Variants in UGT1A7 observed in about 807,000 individuals in gnomAD.
The protein encoded by UGT1A7 is UDP-glucuronosyltransferase 1A7.
Under a neutral mutation model 45.6 loss-of-function variants are expected in UGT1A7, and 33 were observed. The ratio of observed to expected loss-of-function variants is 0.72; its 90% confidence interval spans 0.55 to 0.97. The LOEUF (loss-of-function observed/expected upper bound fraction) is 0.97, where lower values mean the gene tolerates loss of function less well. Ranked by LOEUF, UGT1A7 falls within the 50% of genes least tolerant of loss-of-function variation. The pLI is 0.00. For synonymous variants in UGT1A7, 274 were observed against 250.6 expected, an observed-to-expected ratio of 1.09 and a Z score of -0.88; for missense variants, 684 against 666.2, an observed-to-expected ratio of 1.03 and a Z score of -0.29.
intron 1 of UGT1A7, among the ~76,000 whole-genome samples, chr2:233,744,682 A>C (rs1267258070): frequency 1.3e-5 from 2 of 151,904 alleles, no homozygotes; most frequent in African/African-American, 4.9e-5. Flanking sequence ...TCACCCATGT[A>C]GCTTCTGGAA....
chr2:233,752,746 A>AAAAC lies in UGT1A7; in HGVS notation c.856-14265_856-14262dup, dbSNP rs200752387. Among the ~76,000 whole-genome samples the AAAAC allele has an allele frequency of 7.8e-3, 1,184 of 152,306 alleles. 57 individuals carry two copies. In the East Asian group the frequency reaches 0.13, roughly 17 times the overall value. On this transcript the variant is annotated intron_variant, in intron 1 of 4. Transcript: ENST00000373426. ...AGCTACAGAGAGAGACCCTGTCTCTAAAACAAACAAACAAACAAACAAACA... is the reference window on the plus strand; with the variant it reads ...AGCTACAGAGAGAGACCCTGTCTCTAAAACAAACAAACAAACAAACAAACAAACA...
chr2:233,765,861 A>G (rs1698967280), intron 1 of UGT1A7, among the ~76,000 whole-genome samples: 1 of 152,118 alleles, frequency 6.6e-6, no homozygotes, highest in African/African-American at 2.4e-5. Flanking sequence ...AGAGCATGTG[A>G]CAGCGGGAGG....
chr2:233,765,010 C>G (rs940800648), intron 1 of UGT1A7, among the ~76,000 whole-genome samples: 10 of 152,056 alleles, frequency 6.6e-5, no homozygotes, highest in Non-Finnish European at 1.2e-4. Context: ...TGTTCCAAAT[C>G]AGGCTTGGCA....
intron 1 of UGT1A7, chr2:233,713,950 C>A (rs1250435794): frequency 3.7e-6 from 6 of 1,608,844 alleles, no homozygotes; most frequent in Admixed American, 1.7e-5. Context: ...ATCTACTTAT[C>A]TTTCCAAAGA....
intron 1 of UGT1A7, chr2:233,753,231 A>G (rs1378697040): frequency 1.3e-5 from 2 of 152,142 alleles, no homozygotes; most frequent in African/African-American, 4.8e-5. Flanking sequence ...CTTCTTGTAT[A>G]GTTATTATTT....
In UGT1A7 at chr2:233,769,517, G is replaced by T; in HGVS notation, c.1295+1078G>T. 6.2e-7 allele frequency: 1 copy of T among 1,612,844 alleles called. No homozygotes were observed. The highest frequency in any genetic ancestry group is 8.5e-7 in the Non-Finnish European group (1 of 1,179,874). On this transcript the variant is annotated intron_variant, in intron 4 of 4. Transcript: ENST00000373426. The surrounding 1 kb of genome is among the most constrained non-coding windows in gnomAD (Gnocchi z 4.4). ...AGAGTGTCCATTGCTTTCTCCCATGGTTACCTCCTTTAGAAAGAAGCAGCA... is the reference window on the plus strand; with the variant it reads ...AGAGTGTCCATTGCTTTCTCCCATGTTTACCTCCTTTAGAAAGAAGCAGCA...
At chr2:233,709,286 A>T (rs949787722) in intron 1 of UGT1A7, among the ~76,000 whole-genome samples, 3 of 152,102 alleles carry the variant, frequency 2.0e-5, no homozygotes, top group Admixed American at 2.0e-4. Context: ...TTACCCTTCA[A>T]TTAATGATAT....
intron 1 of UGT1A7, among the ~76,000 whole-genome samples, chr2:233,698,699 A>T (rs2075456064): frequency 6.6e-6 from 1 of 152,252 alleles, no homozygotes; most frequent in Non-Finnish European, 1.5e-5. Flanking sequence ...TCTAAAAAAA[A>T]TGTGCAAAGC....
At chr2:233,700,854 T>C (rs1009974165) in intron 1 of UGT1A7, among the ~76,000 whole-genome samples, 11 of 152,244 alleles carry the variant, frequency 7.2e-5, no homozygotes, top group African/African-American at 2.2e-4. Context: ...GTATATCTCC[T>C]AATGCTATCC....
At position 233,688,964 on chromosome 2, in the gene UGT1A7, A is replaced by C. The variant is rs562862783; in HGVS notation, c.855+6172A>C. 3.3e-5 allele frequency among the ~76,000 whole-genome samples: 5 copies of C among 152,300 alleles called. No individual in the cohort carries two copies. The East Asian group carries it at 9.7e-4, about 29-fold the overall frequency. On this transcript the variant is annotated intron_variant, in intron 1 of 4. Transcript: ENST00000373426. ...CATGAAGCCAAATGTTTGGAATCAT[A>C]GCATGTTCTTTCCCTTCATCCCTAT... is the stretch of plus-strand genomic sequence containing the variant.
intron 1 of UGT1A7, chr2:233,691,022 A>C: frequency 1.0e-6 from 1 of 993,022 alleles, no homozygotes; most frequent in Non-Finnish European, 1.2e-6. Context: ...TGTGGTTGGA[A>C]GGGCTCAGAC....
chr2:233,685,998 TC>T (rs1193956822), intron 1 of UGT1A7, among the ~76,000 whole-genome samples: 1 of 152,170 alleles, frequency 6.6e-6, no homozygotes, highest in Non-Finnish European at 1.5e-5. Flanking sequence ...ATCCTGTACA[TC>T]CTTTGCCTTG....
chr2:233,729,491 T>C, intron 1 of UGT1A7: 1 of 1,614,228 alleles, frequency 6.2e-7, no homozygotes, highest in Non-Finnish European at 8.5e-7. Context: ...AATATGTCTT[T>C]GGTCTATCAT....
intron 1 of UGT1A7, chr2:233,693,660 CCTAT>C: frequency 9.9e-6 from 16 of 1,614,092 alleles, no homozygotes; most frequent in Non-Finnish European, 1.4e-5. Context: ...TTGTTGGAGC[CCTAT>C]CTATTTTATT....
intron 1 of UGT1A7, among the ~76,000 whole-genome samples, chr2:233,722,425 T>G (rs1224691160): frequency 6.6e-6 from 1 of 152,236 alleles, no homozygotes; most frequent in African/African-American, 2.4e-5. Context: ...ATGGATAGGT[T>G]GAATTATTTG....
intron 1 of UGT1A7, chr2:233,691,654 TC>T: frequency 1.0e-6 from 1 of 984,858 alleles, no homozygotes; most frequent in Non-Finnish European, 1.2e-6. Flanking sequence ...AGTGTGACCC[TC>T]CCTTTCTGGG....
intron 1 of UGT1A7, among the ~76,000 whole-genome samples, chr2:233,744,785 A>C (rs1433110343): frequency 6.6e-6 from 1 of 151,864 alleles, no homozygotes; most frequent in Non-Finnish European, 1.5e-5. Context: ...TCTCCTGAAA[A>C]ATTCTTGGGG....
rs748532468 is a variant in UGT1A7 at position 233,713,904 on chromosome 2, T to G, written c.855+31112T>G. ...CCAATCAATGTTCCAGGCAAAACACTTTTTAAAAAATGTATTTACTTACAA... is the reference window on the plus strand; with the variant it reads ...CCAATCAATGTTCCAGGCAAAACACGTTTTAAAAAATGTATTTACTTACAA... On this transcript the variant is annotated intron_variant, in intron 1 of 4. Transcript: ENST00000373426. 7 of 1,612,582 alleles carry G rather than the reference T, an allele frequency of 4.3e-6. No individual in the cohort carries two copies. The South Asian group carries it at 6.6e-5, about 15-fold the overall frequency.
At position 233,691,285 on chromosome 2, in the gene UGT1A7, T is replaced by C. The variant is rs866612488; in HGVS notation, c.855+8493T>C. On this transcript the variant is annotated intron_variant, in intron 1 of 4. Coordinates refer to ENST00000373426, the MANE Select transcript of UGT1A7 (RefSeq NM_019077.3). ...GCTGCCGCCCCCATGACTTTGATCA[T>C]TGTAAGCTGCCAATCCTCTTGGGAG... is the stretch of plus-strand genomic sequence containing the variant. 90 of 985,556 alleles carry C rather than the reference T, an allele frequency of 9.1e-5. No homozygotes were observed. In the Middle Eastern group the frequency reaches 2.1e-3, roughly 23 times the overall value. The allele number at this position is 985,556 out of a possible 1,614,324, so 61.1% of individuals were successfully genotyped here. A position where few individuals can be genotyped will look rare whatever the true frequency, so the allele number is the denominator to read the frequency against.
Sources: allele counts gnomAD v4.1 joint callset (sites outside exome capture counted in the v4.1 genomes callset), GRCh38; gene constraint gnomAD v4.1.1; non-coding constraint Gnocchi (gnomAD v3.1); transcripts MANE v1.5; gene names NCBI Gene and HGNC (gene_info 2026-07-23, HGNC 2026-07-21).